The following NRAP variants were observed in gnomAD, a reference collection of about 807,000 sequenced individuals.
NRAP encodes nebulin-related-anchoring protein.
NRAP carries 189 observed loss-of-function variants against 225.9 expected under a neutral mutation model. The observed-to-expected ratio is 0.84, with a 90% confidence interval of 0.74 to 0.94. The LOEUF (loss-of-function observed/expected upper bound fraction) is 0.94, where lower values mean the gene tolerates loss of function less well. Among genes scored for constraint, NRAP ranks in the 40% least tolerant of loss-of-function variants. The pLI is 0.00. For synonymous variants in NRAP, 769 were observed against 790.7 expected (o/e 0.97, Z 0.46); for missense variants, 2,176 against 2,168.7 (o/e 1.00, Z -0.07).
At chr10:113,662,591 A>G in intron 3 of NRAP, 88 bp downstream of exon 3, 2 of 821,596 alleles carry the variant, frequency 2.4e-6, no homozygotes, top group African/African-American at 3.4e-5. Context: ...CCTGGCTAGA[A>G]TATATTCCTT....
intron 26 of NRAP, 151 bp from the exon 27 acceptor site, chr10:113,615,967 C>G: frequency 1.6e-6 from 1 of 641,930 alleles, no homozygotes. Flanking sequence ...GATTTTACAG[C>G]TAGCACGGTG....
intron 9 of NRAP, among the ~76,000 whole-genome samples, chr10:113,649,174 C>T (rs779959554): frequency 4.6e-5 from 7 of 152,162 alleles, no homozygotes; most frequent in Non-Finnish European, 1.0e-4. Context: ...GAGTCCCAAC[C>T]GACCTTCACA....
intron 8 of NRAP, 46 bp downstream of exon 8, chr10:113,650,392 C>T: frequency 7.2e-7 from 1 of 1,397,974 alleles, no homozygotes; most frequent in Non-Finnish European, 1.0e-6. Flanking sequence ...CCCAGGTTCA[C>T]ATTCCTCTTT....
intron 27 of NRAP, 137 bp from the exon 28 acceptor site, chr10:113,615,083 G>A: frequency 1.5e-6 from 1 of 649,736 alleles, no homozygotes. Flanking sequence ...GATCATGGTG[G>A]CTTAGCTAAA....
chr10:113,647,613 CGGTGGTACTTCCTCCCCT>C (rs1849628923), intron 9 of NRAP, among the ~76,000 whole-genome samples: 20 of 129,052 alleles, frequency 1.5e-4, no homozygotes, highest in Admixed American at 2.4e-4. Flanking sequence ...CTGTCTCCCC[CGGTGGTACTTCCTCCCCT>C]AGTGGTACTG....
chr10:113,599,560 G>T (rs1038601705), intron 35 of NRAP, among the ~76,000 whole-genome samples: 1 of 152,120 alleles, frequency 6.6e-6, no homozygotes. Context: ...TGAACAGTAC[G>T]ATCCCAGGTA....
chr10:113,658,119 T>C (rs935869267), intron 3 of NRAP, among the ~76,000 whole-genome samples: 1 of 152,230 alleles, frequency 6.6e-6, no homozygotes, highest in Non-Finnish European at 1.5e-5. Flanking sequence ...ATTCTTGCTA[T>C]GTTAAATTGC....
Position 113,598,000 on chromosome 10 carries a change from C to T in NRAP, c.4301G>A (p.Ser1434Asn), listed in dbSNP as rs1846382923. The T allele has an allele frequency of 1.9e-6, 3 of 1,613,748 alleles. No homozygotes were observed. Among genetic ancestry groups the T allele is most frequent in the Non-Finnish European group, 2.5e-6 (3 of 1,179,820 alleles). Residue 1434 changes from serine to asparagine, a missense_variant, in exon 36 of 42, where the codon AGT becomes AAT. Around this residue, in one of 3 missense-constraint regions of NRAP, gnomAD observed 445 missense variants for 426.1 expected, o/e 1.04. Transcript: ENST00000359988. ...GATGAGTTCTCCAGCCTTCTTTGCA[C>T]TCTCCATCTGTGGGGATCTCAGCGC... ...WLALRSPQME[S>N]AKKAGELISE...
chr10:113,621,859 C>A lies in NRAP; in HGVS notation c.2769+10G>T. 1 of 1,597,914 alleles carries A rather than the reference C, an allele frequency of 6.3e-7. No individual in the cohort carries two copies. The highest frequency in any genetic ancestry group is 8.6e-7 in the Non-Finnish European group (1 of 1,169,552). On this transcript the variant is annotated intron_variant, in intron 24 of 41. Transcript: ENST00000359988. ...ACACACACAAGTGCACACACTCACA[C>A]AGAGCTTACATCACTCTGTAAGCCA... is the stretch of plus-strand genomic sequence containing the variant.
intron 21 of NRAP, among the ~76,000 whole-genome samples, chr10:113,625,253 A>T (rs540275981): frequency 1.9e-4 from 29 of 152,310 alleles, no homozygotes; most frequent in Admixed American, 1.3e-3. Flanking sequence ...GTGGCCAAAA[A>T]AATACCCCAC....
chr10:113,625,595 G>T (rs1463267580), intron 21 of NRAP, among the ~76,000 whole-genome samples: 1 of 152,168 alleles, frequency 6.6e-6, no homozygotes, highest in Non-Finnish European at 1.5e-5. Context: ...GTCCTCCTTG[G>T]TGTAGAGAAC....
intron 40 of NRAP, 111 bp from the exon 41 acceptor site, chr10:113,589,908 T>G: frequency 8.0e-7 from 1 of 1,252,848 alleles, no homozygotes; most frequent in Non-Finnish European, 1.1e-6. Context: ...ATGTTGTCTG[T>G]CATCAGTAAA....
At chr10:113,605,530 AATC>A (rs1846904719) in intron 34 of NRAP, among the ~76,000 whole-genome samples, 1 of 152,238 alleles carries the variant, frequency 6.6e-6, no homozygotes, top group South Asian at 2.1e-4. Context: ...ATTAGAAATA[AATC>A]ATCATCTCCT....
chr10:113,620,404 T>C (rs1178503432), intron 25 of NRAP, among the ~76,000 whole-genome samples, 200 bp downstream of exon 25: 1 of 152,218 alleles, frequency 6.6e-6, no homozygotes, highest in Admixed American at 6.5e-5. Flanking sequence ...TGTCACCCAC[T>C]TTGTTTTTGC....
chr10:113,655,452 A>ATTCT lies in NRAP; in HGVS notation c.361-1328_361-1327insAGAA, dbSNP rs34169375. ...TAGGATAGTATGGTATTGTACATCC[A>ATTCT]TTTTTTTTTTTTTTTTCCCTTGAGA... On this transcript the variant is annotated intron_variant, in intron 4 of 41. Coordinates refer to ENST00000359988, the MANE Select transcript of NRAP (RefSeq NM_198060.4). 1.8e-3 allele frequency among the ~76,000 whole-genome samples: 260 copies of ATTCT among 145,260 alleles called. 1 individual carries two copies. Among genetic ancestry groups the ATTCT allele is most frequent in the Admixed American group, 4.6e-3 (67 of 14,680 alleles).
chr10:113,663,328 G>A, intron 2 of NRAP, 24 bp downstream of exon 2: 1 of 1,345,880 alleles, frequency 7.4e-7, no homozygotes, highest in Non-Finnish European at 1.1e-6. Context: ...TCAAGAGGTA[G>A]TGGTGGGGGC....
rs769358261 is a variant in NRAP at position 113,662,738 on chromosome 10, T to C, written c.196A>G (p.Ser66Gly). The change falls in exon 3 of 42, where the codon AGT becomes GGT. Residue 66 changes from serine to glycine, a missense_variant. Physicochemically the swap from Ser to Gly is moderately conservative, Grantham distance 56. Coordinates refer to ENST00000359988, the MANE Select transcript of NRAP (RefSeq NM_198060.4). ...AHNPKNNTFT[S>G]VYHTPLNLNV... ...AGATTTAATGGAGTGTGATAGACAC[T>C]GGTGAAAGTGTTGTTCTTAGGGTTA... The C allele has an allele frequency of 1.2e-5, 19 of 1,599,388 alleles. No individual in the cohort carries two copies. The African/African-American group carries it at 2.5e-4, about 21-fold the overall frequency.
At chr10:113,596,307 A>G (rs542617604) in intron 37 of NRAP, among the ~76,000 whole-genome samples, 1 of 152,350 alleles carries the variant, frequency 6.6e-6, no homozygotes, top group East Asian at 1.9e-4. Flanking sequence ...ATTACAAACA[A>G]TTTTAGGAAG....
intron 24 of NRAP, among the ~76,000 whole-genome samples, chr10:113,621,286 G>A (rs940125077): frequency 1.3e-5 from 2 of 150,254 alleles, no homozygotes; most frequent in African/African-American, 4.9e-5. Flanking sequence ...CATCTATCAT[G>A]AAACAGCTCT....
Sources: allele counts gnomAD v4.1 joint callset (sites outside exome capture counted in the v4.1 genomes callset), GRCh38; gene constraint gnomAD v4.1.1; regional missense constraint gnomAD v4.1.1; transcripts MANE v1.5; gene names NCBI Gene and HGNC (gene_info 2026-07-23, HGNC 2026-07-21).